NKAIN2: variants seen among roughly 807,000 people sequenced by gnomAD.
The protein encoded by NKAIN2 is sodium/potassium transporting ATPase interacting 2, also known as sodium/potassium-transporting ATPase subunit beta-1-interacting protein 2.
In NKAIN2, 14 loss-of-function variants were observed where a neutral mutation model predicts 32.6. The observed-to-expected ratio is 0.43, with a 90% CI of 0.28 to 0.67. The LOEUF is 0.67. NKAIN2 is among the 30% of genes least tolerant of loss of function. NKAIN2 has a pLI of 0.17. For missense variants in NKAIN2, 198 were observed against 258.3 expected (o/e 0.77, Z 1.60); for synonymous variants, 80 against 87.2 (o/e 0.92, Z 0.46).
At chr6:124,094,422 C>T (rs1490358712) in intron 1 of NKAIN2, among the ~76,000 whole-genome samples, 3 of 152,080 alleles carry the variant, frequency 2.0e-5, no homozygotes, top group Non-Finnish European at 2.9e-5. Flanking sequence ...TTGTTTCTTA[C>T]TCCTCAGAAA....
At chr6:124,477,055 A>G (rs1359038408) in intron 3 of NKAIN2, among the ~76,000 whole-genome samples, 1 of 152,182 alleles carries the variant, frequency 6.6e-6, no homozygotes, top group Non-Finnish European at 1.5e-5. Flanking sequence ...GAAAGGTGAG[A>G]GCTATATGAC....
intron 2 of NKAIN2, among the ~76,000 whole-genome samples, chr6:124,318,222 A>G (rs1283068801): frequency 6.6e-6 from 1 of 152,018 alleles, no homozygotes; most frequent in African/African-American, 2.4e-5. Flanking sequence ...CAAATGTAGT[A>G]TTCTTGATGT....
intron 1 of NKAIN2, among the ~76,000 whole-genome samples, chr6:123,934,612 A>G (rs1776416094): frequency 1.3e-5 from 2 of 152,072 alleles, no homozygotes; most frequent in African/African-American, 4.8e-5. Context: ...TAAAATGGCC[A>G]TGCTAGGATC....
Position 123,932,669 on chromosome 6 carries a change from G to A in NKAIN2, c.54+128415G>A, listed in dbSNP as rs539383871. Among the ~76,000 whole-genome samples, 233 of 151,864 alleles carry A rather than the reference G, an allele frequency of 1.5e-3. 1 individual carries two copies. The highest frequency in any genetic ancestry group is 4.9e-3 in the African/African-American group (204 of 41,416). The stretch of plus-strand genomic sequence containing the variant: ...CCTGACCTTGTGATCTGCCCGCCTC[G>A]GCCTCCCAAAGTGCTGGGATTACAG... On this transcript the variant is annotated intron_variant, in intron 1 of 6. Transcript: ENST00000368417.
intron 3 of NKAIN2, among the ~76,000 whole-genome samples, chr6:124,629,018 C>A (rs942033233): frequency 2.6e-5 from 4 of 151,976 alleles, no homozygotes; most frequent in African/African-American, 9.7e-5. Context: ...GTCGTTTTTG[C>A]ACTTATCCAT....
intron 3 of NKAIN2, among the ~76,000 whole-genome samples, chr6:124,367,882 G>A (rs977500121): frequency 3.3e-5 from 5 of 152,030 alleles, no homozygotes; most frequent in African/African-American, 9.7e-5. Context: ...TAATTCTTAT[G>A]TGGACCAATT....
intron 3 of NKAIN2, among the ~76,000 whole-genome samples, chr6:124,436,711 C>G (rs1008096580): frequency 6.6e-6 from 1 of 152,124 alleles, no homozygotes; most frequent in Non-Finnish European, 1.5e-5. Context: ...CAACCTGGTC[C>G]AGGCCACCAG....
intron 1 of NKAIN2, among the ~76,000 whole-genome samples, chr6:124,092,673 G>T (rs1784485892): frequency 6.6e-6 from 1 of 151,766 alleles, no homozygotes; most frequent in African/African-American, 2.4e-5. Flanking sequence ...GGGGTAAGAT[G>T]ATATCTAAAT....
At chr6:124,033,777 A>C (rs917614341) in intron 1 of NKAIN2, among the ~76,000 whole-genome samples, 3 of 152,144 alleles carry the variant, frequency 2.0e-5, no homozygotes, top group Admixed American at 2.0e-4. Context: ...GTCTTCTTAT[A>C]AAATGGGCTT....
At chr6:124,318,885 T>C (rs73571146) in intron 2 of NKAIN2, among the ~76,000 whole-genome samples, 19,633 of 152,098 alleles carry the variant, frequency 0.13, 1,352 homozygotes, top group East Asian at 0.18. Context: ...AGTAAACAAG[T>C]CTGGGTGTTA....
At chr6:123,957,852 T>C (rs1046338364) in intron 1 of NKAIN2, among the ~76,000 whole-genome samples, 4 of 152,226 alleles carry the variant, frequency 2.6e-5, no homozygotes, top group African/African-American at 9.6e-5. Flanking sequence ...AATTTCTTTT[T>C]TACATTAAAC....
intron 1 of NKAIN2, among the ~76,000 whole-genome samples, chr6:123,923,469 A>G (rs937001995): frequency 1.3e-5 from 2 of 151,990 alleles, no homozygotes; most frequent in Non-Finnish European, 2.9e-5. Context: ...GGAAAGACAT[A>G]TCCTTATACA....
intron 1 of NKAIN2, among the ~76,000 whole-genome samples, chr6:123,976,066 C>T (rs1427945990): frequency 6.6e-6 from 1 of 151,436 alleles, no homozygotes; most frequent in African/African-American, 2.4e-5. Flanking sequence ...GCTTTCTTGT[C>T]TGCCACCATG....
chr6:123,973,045 A>G (rs548080202), intron 1 of NKAIN2, among the ~76,000 whole-genome samples: 2 of 152,258 alleles, frequency 1.3e-5, no homozygotes, highest in African/African-American at 4.8e-5. Context: ...CCAGTTGCCA[A>G]AACAAATATT....
intron 4 of NKAIN2, among the ~76,000 whole-genome samples, chr6:124,674,108 A>G (rs138201343): frequency 2.0e-3 from 298 of 152,150 alleles, no homozygotes; most frequent in African/African-American, 5.8e-3. Context: ...TGTGAAGACT[A>G]TCATCTCACC....
intron 3 of NKAIN2, among the ~76,000 whole-genome samples, chr6:124,424,484 T>C (rs1774896582): frequency 6.6e-6 from 1 of 152,108 alleles, no homozygotes; most frequent in Non-Finnish European, 1.5e-5. Context: ...CATCATGCTG[T>C]ACATTAGAAC....
At chr6:124,820,043 T>C (rs1225595675) in intron 6 of NKAIN2, among the ~76,000 whole-genome samples, 1 of 152,176 alleles carries the variant, frequency 6.6e-6, no homozygotes, top group East Asian at 1.9e-4. Context: ...ATGAAACATT[T>C]GTTAATCTTT....
At chr6:124,631,751 G>T (rs1247401985) in intron 3 of NKAIN2, among the ~76,000 whole-genome samples, 2 of 152,088 alleles carry the variant, frequency 1.3e-5, no homozygotes, top group African/African-American at 4.8e-5. Flanking sequence ...TTAATTATGA[G>T]GATCCCACTT....
At chr6:124,243,235 C>T (rs540474300) in intron 1 of NKAIN2, among the ~76,000 whole-genome samples, 12 of 152,028 alleles carry the variant, frequency 7.9e-5, no homozygotes, top group African/African-American at 2.9e-4. Flanking sequence ...TGGGTCACTC[C>T]TGTAATCCCA....
Sources: gnomAD v4.1 joint callset for allele counts (sites outside exome capture counted in the v4.1 genomes callset) on GRCh38, gnomAD v4.1.1 for gene constraint, MANE v1.5 for transcripts, NCBI Gene and HGNC (gene_info 2026-07-23, HGNC 2026-07-21) for gene names.